DIPK2B: variants seen among roughly 807,000 people sequenced by gnomAD.
DIPK2B encodes divergent protein kinase domain 2B.
Under a neutral mutation model 22.2 loss-of-function variants are expected in DIPK2B, and 15 were observed. The ratio of observed to expected loss-of-function variants is 0.68; its 90% CI spans 0.45 to 1.04. The LOEUF (loss-of-function observed/expected upper bound fraction) is 1.04. Among genes scored for constraint, DIPK2B ranks in the 50% least tolerant of loss-of-function variants. The pLI is 0.00. For missense variants in DIPK2B, 345 were observed against 348.3 expected (o/e 0.99, Z 0.08); for synonymous variants, 163 against 153.2 (o/e 1.06, Z -0.47).
chrX:45,164,386 T>A, intron 2 of DIPK2B: 7 of 660,183 alleles, frequency 1.1e-5, no homozygotes. Flanking sequence ...TACTCCCATG[T>A]TCCAGTTGGG....
intron 2 of DIPK2B, chrX:45,163,883 T>C: frequency 1.2e-6 from 1 of 861,123 alleles, no homozygotes; most frequent in Non-Finnish European, 1.4e-6. Context: ...TTGCCAGAAG[T>C]AGATCACAGG....
chrX:45,150,487 A>G lies in DIPK2B; in HGVS notation c.*1165T>C, dbSNP rs1323475750. On this transcript the variant is annotated 3_prime_UTR_variant, in exon 5 of 5. Transcript: ENST00000398000. ...AATTCCTAGACTCCTTAGAGTCCCAACTCGGAGCATGCGGTGTGGAGAGAG... is the reference window on the plus strand; with the variant it reads ...AATTCCTAGACTCCTTAGAGTCCCAGCTCGGAGCATGCGGTGTGGAGAGAG... 2 of 111,948 alleles carry G rather than the reference A, an allele frequency of 1.8e-5. No homozygotes were observed. Among genetic ancestry groups the G allele is most frequent in the African/African-American group, 3.2e-5 (1 of 30,771 alleles). 9.2% of individuals were successfully genotyped at this position (111,948 alleles called of 1,213,427 possible). A position where few individuals can be genotyped will look rare whatever the true frequency, so the allele number is the denominator to read the frequency against.
At chrX:45,200,170 C>T (rs745551478) in intron 1 of DIPK2B, among the ~76,000 whole-genome samples, 2 of 111,846 alleles carry the variant, frequency 1.8e-5, no homozygotes, top group African/African-American at 3.3e-5. Context: ...TTTCCCCCCA[C>T]TGAAGTCACT....
intron 2 of DIPK2B, chrX:45,162,618 A>T (rs2047027760): frequency 1.3e-6 from 1 of 754,182 alleles, no homozygotes; most frequent in Admixed American, 8.6e-5. Context: ...AACCAGATAC[A>T]CCCATTTTGG....
In DIPK2B at chrX:45,150,792, C is replaced by G. The variant is rs2046956580; in HGVS notation, c.*860G>C. ...AGCAAGCTCCTGCCAGACATTCTCT[C>G]CTTCACCGGGGCTCAGCTTGCAGCT... On this transcript the variant is annotated 3_prime_UTR_variant, in exon 5 of 5. Coordinates refer to ENST00000398000, the MANE Select transcript of DIPK2B (RefSeq NM_176819.4). The G allele has an allele frequency of 9.0e-6, 1 of 111,524 alleles. No individual in the cohort carries two copies. Among genetic ancestry groups the G allele is most frequent in the African/African-American group, 3.3e-5 (1 of 30,624 alleles). The allele number at this position is 111,524 out of a possible 1,213,427, so 9.2% of individuals were successfully genotyped here. A position where few individuals can be genotyped will look rare whatever the true frequency, so the allele number is the denominator to read the frequency against.
rs1362831219 is a variant in DIPK2B at position 45,157,838 on chromosome X, G to A, written c.549C>T (p.Arg183=). Residue 183 remains arginine, a synonymous_variant, in exon 3 of 5, where the codon CGC becomes CGT. Transcript: ENST00000398000. ...CCACCTCTGCATAGCGCCTGACCAC[G>A]CGATCCAGGAGTCGCTGCGAAGGGC... is the stretch of plus-strand genomic sequence containing the variant. The part of the protein sequence containing the change: ...LRCPSQRLLD[R]VVRRYAEVAD... 6 of 1,166,872 alleles carry A rather than the reference G, an allele frequency of 5.1e-6. No individual in the cohort carries two copies. In the African/African-American group the frequency reaches 1.1e-4, roughly 21 times the overall value.
At chrX:45,166,348 T>A (rs1311813036) in intron 2 of DIPK2B, among the ~76,000 whole-genome samples, 1 of 110,908 alleles carries the variant, frequency 9.0e-6, no homozygotes. Context: ...GGAGTCTTTG[T>A]TCTTTGTCTC....
At position 45,152,254 on chromosome X, in the gene DIPK2B, A is replaced by G. The variant is rs188368333; in HGVS notation, c.962-262T>C. ...GCATCTGTAGTCCCAGCTACTCAGGAGGCTGAGGCTGGAGAATCGCTTGAA... is the reference window on the plus strand; with the variant it reads ...GCATCTGTAGTCCCAGCTACTCAGGGGGCTGAGGCTGGAGAATCGCTTGAA... On this transcript the variant is annotated intron_variant, in intron 4 of 4. Transcript: ENST00000398000. Among the ~76,000 whole-genome samples the G allele has an allele frequency of 3.5e-3, 390 of 110,693 alleles. 3 individuals are homozygous for G. The highest frequency in any genetic ancestry group is 0.014 in the Middle Eastern group (3 of 216).
intron 2 of DIPK2B, among the ~76,000 whole-genome samples, chrX:45,164,979 G>T (rs2047040466): frequency 9.0e-6 from 1 of 111,012 alleles, no homozygotes; most frequent in East Asian, 2.8e-4. Context: ...GAGAAAGATG[G>T]GGGGACAAGC....
At chrX:45,185,044 C>CA (rs762956510) in intron 2 of DIPK2B, among the ~76,000 whole-genome samples, 1 of 111,997 alleles carries the variant, frequency 8.9e-6, no homozygotes, top group Non-Finnish European at 1.9e-5. Flanking sequence ...GCTTAATACA[C>CA]AGAACACAAT....
At chrX:45,182,154 C>T (rs1238830113) in intron 2 of DIPK2B, among the ~76,000 whole-genome samples, 2 of 109,545 alleles carry the variant, frequency 1.8e-5, no homozygotes, top group Non-Finnish European at 3.8e-5. Flanking sequence ...ACACAGCTCA[C>T]AAAGAGCTTG....
Position 45,187,468 on chromosome X carries a change from G to GCGCGCACA in DIPK2B, c.498+4282_498+4283insTGTGCGCG, listed in dbSNP as rs1556403888. ...TACACATGCTCGAGGGCGCGCGCGC[G>GCGCGCACA]CACACACACACACACACACACACAC... is the stretch of plus-strand genomic sequence containing the variant. On this transcript the variant is annotated intron_variant, in intron 2 of 4. Coordinates refer to ENST00000398000, the MANE Select transcript of DIPK2B (RefSeq NM_176819.4). 2.1e-3 allele frequency among the ~76,000 whole-genome samples: 202 copies of GCGCGCACA among 98,490 alleles called. 1 individual carries two copies. The highest frequency in any genetic ancestry group is 6.3e-3 in the African/African-American group (172 of 27,410). 85.5% of individuals were successfully genotyped at this position (98,490 alleles called of 115,157 possible).
chrX:45,192,491 A>G (rs913983901), intron 1 of DIPK2B, among the ~76,000 whole-genome samples: 1 of 110,359 alleles, frequency 9.1e-6, no homozygotes, highest in African/African-American at 3.3e-5. Context: ...CTTTCCCTAC[A>G]CTGATTCCCC....
intron 1 of DIPK2B, among the ~76,000 whole-genome samples, chrX:45,198,975 T>G (rs996827832): frequency 9.0e-6 from 1 of 111,259 alleles, no homozygotes; most frequent in Non-Finnish European, 1.9e-5. Flanking sequence ...ACACCACCAG[T>G]CCGTCCTGTC....
intron 4 of DIPK2B, 126 bp from the exon 5 acceptor site, chrX:45,152,118 G>A (rs967115802): frequency 1.5e-5 from 9 of 616,307 alleles, no homozygotes; most frequent in Non-Finnish European, 2.2e-5. Context: ...AGCACTTTGG[G>A]AGGCTGAGGC....
intron 2 of DIPK2B, among the ~76,000 whole-genome samples, chrX:45,177,631 C>T (rs999728771): frequency 4.5e-5 from 5 of 111,039 alleles, no homozygotes; most frequent in African/African-American, 1.6e-4. Flanking sequence ...AACTGTGATC[C>T]AAAATAAACC....
At chrX:45,167,016 G>A (rs1433450740) in intron 2 of DIPK2B, among the ~76,000 whole-genome samples, 1 of 112,419 alleles carries the variant, frequency 8.9e-6, no homozygotes, top group African/African-American at 3.2e-5. Flanking sequence ...TGTTAAATAT[G>A]CATGTGAAAT....
chrX:45,154,303 CTATCTATCT>C (rs2046979351), intron 3 of DIPK2B, 105 bp from the exon 4 acceptor site: 1 of 646,111 alleles, frequency 1.5e-6, no homozygotes, highest in African/African-American at 2.4e-5. Flanking sequence ...ATCTATCTAT[CTATCTATCT>C]ATCTATCTGT....
At position 45,177,465 on chromosome X, in the gene DIPK2B, G is replaced by A. The variant is rs920050499; in HGVS notation, c.498+14286C>T. 5.5e-5 allele frequency among the ~76,000 whole-genome samples: 6 copies of A among 109,185 alleles called. No homozygotes were observed. The Admixed American group carries it at 5.9e-4, about 11-fold the overall frequency. 94.8% of individuals were successfully genotyped at this position (109,185 alleles called of 115,157 possible). A position where few individuals can be genotyped will look rare whatever the true frequency, so the allele number is the denominator to read the frequency against. On this transcript the variant is annotated intron_variant, in intron 2 of 4. Coordinates refer to ENST00000398000, the MANE Select transcript of DIPK2B (RefSeq NM_176819.4). ...CACTCTATTAGTTCCCACGAGAGCTGGTTATTAAAAAGAGCCTGCCACCTC... is the reference window on the plus strand; with the variant it reads ...CACTCTATTAGTTCCCACGAGAGCTAGTTATTAAAAAGAGCCTGCCACCTC...
Sources: gnomAD v4.1 joint callset for allele counts (sites outside exome capture counted in the v4.1 genomes callset) on GRCh38, gnomAD v4.1.1 for gene constraint, MANE v1.5 for transcripts, NCBI Gene and HGNC (gene_info 2026-07-23, HGNC 2026-07-21) for gene names.